CMKLR2: variants seen among roughly 807,000 people sequenced by gnomAD.
CMKLR2 encodes the protein chemerin chemokine-like receptor 2.
A neutral mutation model predicts 23.0 loss-of-function variants in CMKLR2; 18 were observed. The ratio of observed to expected loss-of-function variants is 0.78; its 90% confidence interval spans 0.54 to 1.16. The LOEUF is 1.16. CMKLR2 is among the 50% of genes most tolerant of loss of function. The pLI, the probability that CMKLR2 is intolerant of heterozygous loss-of-function variation, is 0.00. For synonymous variants in CMKLR2, 158 were observed against 158.9 expected (o/e 0.99, Z 0.05); for missense variants, 401 against 412.7 (o/e 0.97, Z 0.25).
intron 1 of CMKLR2, among the ~76,000 whole-genome samples, chr2:206,193,047 T>G (rs549732131): frequency 6.6e-6 from 1 of 152,310 alleles, no homozygotes; most frequent in Admixed American, 6.5e-5. Context: ...GCCATTGATT[T>G]TTTTTCTTCT....
chr2:206,208,821 C>T (rs1161217098), intron 1 of CMKLR2, among the ~76,000 whole-genome samples: 3 of 151,968 alleles, frequency 2.0e-5, no homozygotes, highest in Non-Finnish European at 2.9e-5. Context: ...CAGGCATGCA[C>T]TACCATGCCT....
chr2:206,212,838 C>T (rs962775893), intron 1 of CMKLR2, among the ~76,000 whole-genome samples: 1 of 152,090 alleles, frequency 6.6e-6, no homozygotes, highest in Non-Finnish European at 1.5e-5. Context: ...TAACTTTTTT[C>T]CCACCTTGTA....
intron 1 of CMKLR2, among the ~76,000 whole-genome samples, chr2:206,203,161 C>CAAAA (rs35488030): frequency 0.034 from 4,013 of 118,922 alleles, 136 homozygotes; most frequent in East Asian, 0.11. Flanking sequence ...TCTAAAACTA[C>CAAAA]AAAAAAAAAA....
In CMKLR2 at chr2:206,175,941, C is replaced by A. The variant is rs1006348092; in HGVS notation, c.*239G>T. 2.5e-5 allele frequency: 9 copies of A among 363,720 alleles called. No individual in the cohort carries two copies. The highest frequency in any genetic ancestry group is 4.4e-5 in the Non-Finnish European group (9 of 204,438). The allele number at this position is 363,720 out of a possible 1,614,324, so 22.5% of individuals were successfully genotyped here. On this transcript the variant is annotated 3_prime_UTR_variant, in exon 2 of 2. Transcript: ENST00000621141. ...ATTTAAGTTGCAGAAAAAAATTATG[C>A]GGATCCTTCCTAAGTATTTTCAGTT...
chr2:206,205,482 C>A (rs938329336), intron 1 of CMKLR2, among the ~76,000 whole-genome samples: 3 of 151,976 alleles, frequency 2.0e-5, no homozygotes, highest in African/African-American at 4.8e-5. Flanking sequence ...CCCACCTCAG[C>A]CTTCCCAGTA....
At position 206,207,728 on chromosome 2, in the gene CMKLR2, C is replaced by CTTTTTTTTTTTTTTTTTTTTT. The variant is rs71034423; in HGVS notation, c.-29+5558_-29+5578dup. On this transcript the variant is annotated intron_variant, in intron 1 of 1. Coordinates refer to ENST00000621141, the MANE Select transcript of CMKLR2 (RefSeq NM_001389445.1). ...ATCTGGGTCTGTCTGACCTCAGGGC[C>CTTTTTTTTTTTTTTTTTTTTT]TTTTTTTTTTTTTTTTTTTTTTTTT... Among the ~76,000 whole-genome samples, 33 of 43,574 alleles carry CTTTTTTTTTTTTTTTTTTTTT rather than the reference C, an allele frequency of 7.6e-4. 10 individuals carry two copies. The highest frequency in any genetic ancestry group is 3.0e-3 in the South Asian group (2 of 666). 28.6% of individuals were successfully genotyped at this position (43,574 alleles called of 152,430 possible).
chr2:206,197,373 C>G (rs6743389), intron 1 of CMKLR2, among the ~76,000 whole-genome samples: 1,593 of 152,250 alleles, frequency 0.01, 27 homozygotes, highest in African/African-American at 0.036. Flanking sequence ...TTTTTTTCTT[C>G]TGGGTTTTCT....
At chr2:206,199,342 G>C (rs928432193) in intron 1 of CMKLR2, among the ~76,000 whole-genome samples, 11 of 152,220 alleles carry the variant, frequency 7.2e-5, no homozygotes, top group African/African-American at 2.4e-4. Context: ...GGAGGTTGCA[G>C]TGAGCCAAGA....
intron 1 of CMKLR2, among the ~76,000 whole-genome samples, chr2:206,207,803 C>T (rs1239423022): frequency 2.4e-5 from 3 of 125,004 alleles, no homozygotes; most frequent in African/African-American, 9.3e-5. Context: ...AGTACAATGG[C>T]GTGTTCTCGG....
rs1006315490 is a variant in CMKLR2, at chr2:206,176,305, A to C, written c.943T>G (p.Phe315Val). The C allele has an allele frequency of 1.2e-5, 19 of 1,614,200 alleles. No individual in the cohort carries two copies. Among genetic ancestry groups the C allele is most frequent in the Non-Finnish European group, 1.6e-5 (19 of 1,180,032 alleles). ...VLISKKFQAR[F>V]RSSVAEILKY... ...AGTATCTCAGCAACTGAGGACCGGAAGCGAGCTTGGAACTTCTTACTAATT... is the reference window on the plus strand; with the variant it reads ...AGTATCTCAGCAACTGAGGACCGGACGCGAGCTTGGAACTTCTTACTAATT... The change falls in exon 2 of 2, where the codon TTC becomes GTC. Residue 315 changes from phenylalanine to valine, a missense_variant. Coordinates refer to ENST00000621141, the MANE Select transcript of CMKLR2 (RefSeq NM_001389445.1).
At chr2:206,178,878 A>C (rs565486289) in intron 1 of CMKLR2, among the ~76,000 whole-genome samples, 2 of 151,822 alleles carry the variant, frequency 1.3e-5, no homozygotes, top group South Asian at 4.2e-4. Flanking sequence ...CAAACTCCTG[A>C]TCTCAAGTGA....
At chr2:206,180,260 G>A (rs1688367384) in intron 1 of CMKLR2, among the ~76,000 whole-genome samples, 1 of 151,682 alleles carries the variant, frequency 6.6e-6, no homozygotes, top group African/African-American at 2.4e-5. Flanking sequence ...GGAGGCCAAG[G>A]CAGGAGGATT....
At chr2:206,183,218 G>A (rs1015000735) in intron 1 of CMKLR2, among the ~76,000 whole-genome samples, 5 of 152,084 alleles carry the variant, frequency 3.3e-5, no homozygotes, top group African/African-American at 9.7e-5. Context: ...TGGCCCATGG[G>A]GTGGTCTGAA....
chr2:206,176,951 CAT>C lies in CMKLR2; in HGVS notation c.295_296del (p.Met99GlufsTer84). The C allele has an allele frequency of 6.2e-7, 1 of 1,614,214 alleles. No homozygotes were observed. The highest frequency in any genetic ancestry group is 8.5e-7 in the Non-Finnish European group (1 of 1,180,044). On this transcript the variant is annotated frameshift_variant, in exon 2 of 2. Coordinates refer to ENST00000621141, the MANE Select transcript of CMKLR2 (RefSeq NM_001389445.1). LOFTEE classifies it high-confidence loss of function. ...AGATGCCAAAGGGCCAGTGGAAATTCATGGCCACATAGGAGATGTACAGGGGC... is the reference window on the plus strand; with the variant it reads ...AGATGCCAAAGGGCCAGTGGAAATTCGGCCACATAGGAGATGTACAGGGGC... Reference protein sequence around the residue: ...FLPLYISYVAMNFHWPFGIWL... With the variant: ...FLPLYISYVAXNFHWPFGIWL...
intron 1 of CMKLR2, among the ~76,000 whole-genome samples, chr2:206,199,637 C>T (rs895127845): frequency 6.6e-6 from 1 of 151,526 alleles, no homozygotes; most frequent in Non-Finnish European, 1.5e-5. Context: ...GCTCTGTCTC[C>T]CAGGCTGGAG....
chr2:206,204,246 C>T (rs1689224263), intron 1 of CMKLR2, among the ~76,000 whole-genome samples: 1 of 147,098 alleles, frequency 6.8e-6, no homozygotes, highest in Admixed American at 7.1e-5. Flanking sequence ...CCCAGCTACT[C>T]GGGAGGCTGA....
At chr2:206,180,511 T>A (rs2105801577) in intron 1 of CMKLR2, among the ~76,000 whole-genome samples, 2 of 152,202 alleles carry the variant, frequency 1.3e-5, no homozygotes, top group Middle Eastern at 3.4e-3. Flanking sequence ...CATAGCTCAC[T>A]GCAGCCTCAA....
At chr2:206,197,370 C>A (rs1373220641) in intron 1 of CMKLR2, among the ~76,000 whole-genome samples, 3 of 152,112 alleles carry the variant, frequency 2.0e-5, no homozygotes, top group Non-Finnish European at 4.4e-5. Flanking sequence ...AGGTTTTTTT[C>A]TTCTGGGTTT....
In CMKLR2 at chr2:206,182,344, C is replaced by G. The variant is rs577775423; in HGVS notation, c.-28-5069G>C. On this transcript the variant is annotated intron_variant, in intron 1 of 1. Transcript: ENST00000621141. Reference sequence around the variant, plus strand: ...AGCTCTTAACCACTACAGCATTCCCCCTTCTGTCATACTTGTCTTATCACA... The same window carrying G: ...AGCTCTTAACCACTACAGCATTCCCGCTTCTGTCATACTTGTCTTATCACA... Among the ~76,000 whole-genome samples the G allele has an allele frequency of 2.0e-3, 299 of 152,276 alleles. 1 individual carries two copies. Among genetic ancestry groups the G allele is most frequent in the Middle Eastern group, 3.4e-3 (1 of 294 alleles).
Sources: gnomAD v4.1 joint callset for allele counts (sites outside exome capture counted in the v4.1 genomes callset) on GRCh38, gnomAD v4.1.1 for gene constraint, MANE v1.5 for transcripts, NCBI Gene and HGNC (gene_info 2026-07-23, HGNC 2026-07-21) for gene names.